Variants in RSU1 observed in about 807,000 individuals in gnomAD.
RSU1 encodes the protein rsu-1.
A neutral mutation model predicts 31.1 loss-of-function variants in RSU1; 26 were observed. The ratio of observed to expected loss-of-function variants is 0.84; its 90% CI spans 0.61 to 1.16. The LOEUF (loss-of-function observed/expected upper bound fraction) is 1.16. RSU1 is among the 50% of genes most tolerant of loss of function. RSU1 has a pLI of 0.00. For synonymous variants in RSU1, 164 were observed against 136.3 expected, an observed-to-expected ratio of 1.20 and a Z score of -1.41; for missense variants, 320 against 339.1, an observed-to-expected ratio of 0.94 and a Z score of 0.44.
intron 8 of RSU1, among the ~76,000 whole-genome samples, chr10:16,621,627 T>TGGAGTA (rs1314714853): frequency 6.6e-6 from 1 of 152,088 alleles, no homozygotes; most frequent in African/African-American, 2.4e-5. Flanking sequence ...CGGTGGAAGG[T>TGGAGTA]GGAGTAGGAG....
intron 3 of RSU1, among the ~76,000 whole-genome samples, chr10:16,777,134 C>G (rs1837549771): frequency 6.6e-6 from 1 of 151,992 alleles, no homozygotes; most frequent in South Asian, 2.1e-4. Flanking sequence ...CATATTCTCC[C>G]CAACACAATG....
At chr10:16,604,597 A>G (rs1833770482) in intron 8 of RSU1, among the ~76,000 whole-genome samples, 1 of 151,902 alleles carries the variant, frequency 6.6e-6, no homozygotes. Context: ...GTTTCCCATC[A>G]CTATTCACTC....
intron 3 of RSU1, among the ~76,000 whole-genome samples, chr10:16,769,950 G>A (rs903418478): frequency 2.0e-5 from 3 of 152,112 alleles, no homozygotes; most frequent in African/African-American, 7.2e-5. Flanking sequence ...GCTTAAGACG[G>A]ACAACTTTCC....
rs1170283091 is a variant in RSU1, at chr10:16,817,061, C to T, written c.21G>A (p.Lys7=). Residue 7 remains lysine, a synonymous_variant, in exon 2 of 9, where the codon AAG becomes AAA. Coordinates refer to ENST00000345264, the MANE Select transcript of RSU1 (RefSeq NM_012425.4). MSKSLK[K]LVEESREKNQ... ...TCTTCTCCCGGCTCTCCTCCACCAACTTCTTCAGAGACTTGGACATGGTCT... is the reference window on the plus strand; with the variant it reads ...TCTTCTCCCGGCTCTCCTCCACCAATTTCTTCAGAGACTTGGACATGGTCT... 3 of 1,613,924 alleles carry T rather than the reference C, an allele frequency of 1.9e-6. No individual in the cohort carries two copies. The highest frequency in any genetic ancestry group is 2.2e-5 in the East Asian group (1 of 44,898).
chr10:16,716,105 A>G (rs1836134345), intron 7 of RSU1, among the ~76,000 whole-genome samples: 1 of 152,242 alleles, frequency 6.6e-6, no homozygotes, highest in Non-Finnish European at 1.5e-5. Context: ...CTTAGTCGGA[A>G]TTCTTGATGA....
intron 8 of RSU1, among the ~76,000 whole-genome samples, chr10:16,628,755 C>A (rs1834199366): frequency 1.3e-5 from 2 of 152,048 alleles, no homozygotes; most frequent in African/African-American, 4.8e-5. Context: ...AACATGAGAA[C>A]CTTGGTTTAT....
At chr10:16,601,467 T>C (rs1833713528) in intron 8 of RSU1, among the ~76,000 whole-genome samples, 1 of 152,224 alleles carries the variant, frequency 6.6e-6, no homozygotes, top group Non-Finnish European at 1.5e-5. Flanking sequence ...TTAGCTGTTT[T>C]ATGGTACCTC....
At chr10:16,707,384 A>G (rs1318189744) in intron 7 of RSU1, among the ~76,000 whole-genome samples, 1 of 152,098 alleles carries the variant, frequency 6.6e-6, no homozygotes, top group Non-Finnish European at 1.5e-5. Context: ...CATCCTTGCC[A>G]ACCCTTATTT....
At position 16,695,009 on chromosome 10, in the gene RSU1, CAG is replaced by C. The variant is rs1564320273; in HGVS notation, c.731+12_731+13del. ...ATCACAGTCTACTATTTCAGAAAAT[CAG>C]AGTCTACTTACTATTTGTATGTCTC... On this transcript the variant is annotated intron_variant, in intron 8 of 8. Transcript: ENST00000345264. The C allele has an allele frequency of 6.3e-7, 1 of 1,597,730 alleles. No individual in the cohort carries two copies. The highest frequency in any genetic ancestry group is 8.5e-7 in the Non-Finnish European group (1 of 1,173,164).
At chr10:16,758,556 C>G (rs115203391) in intron 4 of RSU1, among the ~76,000 whole-genome samples, 3,107 of 152,264 alleles carry the variant, frequency 0.02, 121 homozygotes, top group African/African-American at 0.07. Flanking sequence ...TGACCTTCAC[C>G]AAGTTACTCA....
rs1373893289 is a variant in RSU1, at chr10:16,645,876, ATG to A, written c.731+49145_731+49146del. ...AAAATATATACGTATATATACATAT[ATG>A]TGTATATACATATATGTATATACAC... is the stretch of plus-strand genomic sequence containing the variant. On this transcript the variant is annotated intron_variant, in intron 8 of 8. Coordinates refer to ENST00000345264, the MANE Select transcript of RSU1 (RefSeq NM_012425.4). Among the ~76,000 whole-genome samples the A allele has an allele frequency of 8.6e-4, 95 of 110,190 alleles. 16 individuals are homozygous for A. Among genetic ancestry groups the A allele is most frequent in the African/African-American group, 4.2e-3 (85 of 20,234 alleles). The allele number at this position is 110,190 out of a possible 152,430, so 72.3% of individuals were successfully genotyped here. A position where few individuals can be genotyped will look rare whatever the true frequency, so the allele number is the denominator to read the frequency against.
chr10:16,777,328 G>A (rs567957748), intron 3 of RSU1, among the ~76,000 whole-genome samples: 166 of 151,626 alleles, frequency 1.1e-3, no homozygotes, highest in Middle Eastern at 3.5e-3. Context: ...TTCTTTCAAC[G>A]TAAGGATATT....
At chr10:16,601,738 T>C (rs1833718308) in intron 8 of RSU1, among the ~76,000 whole-genome samples, 2 of 152,220 alleles carry the variant, frequency 1.3e-5, no homozygotes, top group Admixed American at 6.5e-5. Context: ...GCTCGCCTAA[T>C]GTCCTCTCTT....
chr10:16,632,256 A>G (rs182051829), intron 8 of RSU1, among the ~76,000 whole-genome samples: 147 of 152,286 alleles, frequency 9.7e-4, no homozygotes, highest in African/African-American at 3.4e-3. Context: ...GCAATAAACG[A>G]TTTACCAGAT....
chr10:16,760,800 T>G (rs1837198058), intron 4 of RSU1, among the ~76,000 whole-genome samples: 1 of 152,144 alleles, frequency 6.6e-6, no homozygotes, highest in Admixed American at 6.5e-5. Flanking sequence ...CTCGTCTTCT[T>G]ATTGGTCTCC....
At chr10:16,620,837 T>C (rs1247094093) in intron 8 of RSU1, among the ~76,000 whole-genome samples, 2 of 130,522 alleles carry the variant, frequency 1.5e-5, no homozygotes, top group African/African-American at 4.1e-5. Context: ...AGAGCGAGAC[T>C]CCATCTCAAA....
intron 4 of RSU1, among the ~76,000 whole-genome samples, chr10:16,757,506 G>A (rs1044808728): frequency 1.3e-5 from 2 of 152,204 alleles, no homozygotes; most frequent in Admixed American, 1.3e-4. Flanking sequence ...ACGACAGCAA[G>A]AACAAACATT....
At chr10:16,700,823 T>C (rs746389118) in intron 7 of RSU1, among the ~76,000 whole-genome samples, 3 of 152,188 alleles carry the variant, frequency 2.0e-5, no homozygotes, top group Non-Finnish European at 4.4e-5. Flanking sequence ...AGCCATACTG[T>C]GAAATGCTAT....
intron 4 of RSU1, among the ~76,000 whole-genome samples, chr10:16,762,013 C>T (rs187015034): frequency 4.6e-5 from 7 of 152,190 alleles, no homozygotes; most frequent in African/African-American, 9.6e-5. Context: ...AAGTGCTCCC[C>T]GGTCTTGCTG....
Sources: allele counts gnomAD v4.1 joint callset (sites outside exome capture counted in the v4.1 genomes callset), GRCh38; gene constraint gnomAD v4.1.1; transcripts MANE v1.5; gene names NCBI Gene and HGNC (gene_info 2026-07-23, HGNC 2026-07-21).